Variants in GRIN2B observed in about 807,000 individuals in gnomAD.
The protein encoded by GRIN2B is glutamate receptor ionotropic, NMDA 2B.
A neutral mutation model predicts 114.5 loss-of-function variants in GRIN2B; 5 were observed. The observed-to-expected ratio is 0.04, with a 90% CI of 0.02 to 0.09. The LOEUF is 0.09. GRIN2B is among the 10% of genes least tolerant of loss of function. The pLI is 1.00. For missense variants in GRIN2B, 1,108 were observed against 1,943.5 expected, an observed-to-expected ratio of 0.57 and a Z score of 8.08; for synonymous variants, 787 against 745.1, an observed-to-expected ratio of 1.06 and a Z score of -0.92.
At chr12:13,695,680 G>T (rs535348589) in intron 4 of GRIN2B, among the ~76,000 whole-genome samples, 1 of 152,298 alleles carries the variant, frequency 6.6e-6, no homozygotes, top group South Asian at 2.1e-4. Context: ...TGAACAGGAT[G>T]CTGTATTCCT....
intron 2 of GRIN2B, among the ~76,000 whole-genome samples, chr12:13,870,882 A>AT (rs1376616345): frequency 6.6e-6 from 1 of 152,218 alleles, no homozygotes; most frequent in South Asian, 2.1e-4. Flanking sequence ...GAAGTCAAGA[A>AT]GAGTATAAAC....
At chr12:13,913,312 A>T (rs982501194) in intron 2 of GRIN2B, among the ~76,000 whole-genome samples, 5 of 152,134 alleles carry the variant, frequency 3.3e-5, no homozygotes, top group African/African-American at 9.7e-5. Context: ...CCCTACTCGC[A>T]CACAACCAAA....
At chr12:13,669,640 C>G (rs1950005775) in intron 5 of GRIN2B, among the ~76,000 whole-genome samples, 1 of 152,140 alleles carries the variant, frequency 6.6e-6, no homozygotes. Flanking sequence ...GTCACCAACA[C>G]TGCACTTACT....
intron 10 of GRIN2B, among the ~76,000 whole-genome samples, chr12:13,588,432 C>T (rs947241975): frequency 5.9e-5 from 9 of 152,160 alleles, no homozygotes; most frequent in African/African-American, 2.2e-4. Context: ...AAAAAACCTG[C>T]TCTTTAAACC....
At chr12:13,703,722 C>T (rs1950332593) in intron 4 of GRIN2B, among the ~76,000 whole-genome samples, 2 of 152,148 alleles carry the variant, frequency 1.3e-5, no homozygotes, top group South Asian at 2.1e-4. Context: ...GATAACCACC[C>T]TCATAGGCAT....
At chr12:13,883,484 T>G (rs543766718) in intron 2 of GRIN2B, among the ~76,000 whole-genome samples, 1 of 152,282 alleles carries the variant, frequency 6.6e-6, no homozygotes, top group East Asian at 1.9e-4. Flanking sequence ...TTTTGTTAAA[T>G]TTCATTCATT....
rs199855250 is a variant in GRIN2B, at chr12:13,879,378, TATG to T, written c.-18-13155_-18-13153del. 3.5e-3 allele frequency among the ~76,000 whole-genome samples: 533 copies of T among 152,284 alleles called. 1 individual carries two copies. The highest frequency in any genetic ancestry group is 5.8e-3 in the Non-Finnish European group (395 of 68,014). On this transcript the variant is annotated intron_variant, in intron 2 of 13. Coordinates refer to ENST00000609686, the MANE Select transcript of GRIN2B (RefSeq NM_000834.5). ...AAGATGTGCAGTAACGATACAGTAT[TATG>T]ATCTTACAGAACCACTGTCATTATA...
At chr12:13,967,730 G>A (rs947702856) in intron 2 of GRIN2B, among the ~76,000 whole-genome samples, 4 of 152,176 alleles carry the variant, frequency 2.6e-5, no homozygotes, top group Non-Finnish European at 5.9e-5. Flanking sequence ...CACATCCCAG[G>A]GTGGGCTATG....
chr12:13,975,611 G>C (rs1334225402), intron 2 of GRIN2B, among the ~76,000 whole-genome samples: 1 of 152,094 alleles, frequency 6.6e-6, no homozygotes, highest in African/African-American at 2.4e-5. Flanking sequence ...AGAACAAACA[G>C]GTAGCATCAT....
chr12:13,742,269 T>C (rs1863300532), intron 4 of GRIN2B, among the ~76,000 whole-genome samples: 1 of 152,214 alleles, frequency 6.6e-6, no homozygotes, highest in Non-Finnish European at 1.5e-5. Context: ...CTTCCACTCT[T>C]TTCCATTCTG....
chr12:13,670,627 A>G (rs1591668175), intron 5 of GRIN2B, among the ~76,000 whole-genome samples: 1 of 152,108 alleles, frequency 6.6e-6, no homozygotes, highest in East Asian at 1.9e-4. Flanking sequence ...GTGCCAGACT[A>G]TTTTTAAAGC....
intron 2 of GRIN2B, among the ~76,000 whole-genome samples, chr12:13,887,461 C>CTAAT (rs989409688): frequency 1.3e-5 from 2 of 151,920 alleles, no homozygotes; most frequent in African/African-American, 4.8e-5. Context: ...ACCCAAAAGA[C>CTAAT]TAATACGTAG....
chr12:13,867,730 G>A (rs1047450486), intron 2 of GRIN2B, among the ~76,000 whole-genome samples: 11 of 151,966 alleles, frequency 7.2e-5, no homozygotes, highest in Admixed American at 6.6e-5. Flanking sequence ...AAGGTCAATG[G>A]CATTATAACA....
chr12:13,832,966 C>A (rs371694232), intron 3 of GRIN2B, among the ~76,000 whole-genome samples: 19 of 152,014 alleles, frequency 1.2e-4, no homozygotes, highest in Non-Finnish European at 2.9e-5. Context: ...TAAAAAAAAT[C>A]GTCATTCTGA....
At chr12:13,631,326 C>T (rs1019127172) in intron 5 of GRIN2B, among the ~76,000 whole-genome samples, 2 of 152,084 alleles carry the variant, frequency 1.3e-5, no homozygotes, top group East Asian at 1.9e-4. Flanking sequence ...CTGTGACTGC[C>T]CATGGGATGT....
intron 4 of GRIN2B, among the ~76,000 whole-genome samples, chr12:13,696,167 A>G (rs987303237): frequency 1.3e-5 from 2 of 152,204 alleles, no homozygotes; most frequent in Non-Finnish European, 2.9e-5. Flanking sequence ...TGGAGCATTA[A>G]TGAAGACCAA....
At chr12:13,810,484 T>G (rs1864708447) in intron 3 of GRIN2B, among the ~76,000 whole-genome samples, 1 of 152,118 alleles carries the variant, frequency 6.6e-6, no homozygotes, top group Non-Finnish European at 1.5e-5. Context: ...ACTCAGGAAA[T>G]ATTTGTTGAT....
At chr12:13,686,141 G>A (rs114636320) in intron 4 of GRIN2B, among the ~76,000 whole-genome samples, 273 of 152,230 alleles carry the variant, frequency 1.8e-3, no homozygotes, top group African/African-American at 4.6e-3. Context: ...TCACTCTAAC[G>A]CAGTACATTA....
intron 5 of GRIN2B, among the ~76,000 whole-genome samples, chr12:13,621,789 T>C (rs1052499073): frequency 2.6e-5 from 4 of 152,036 alleles, no homozygotes; most frequent in Admixed American, 2.0e-4. Context: ...AGGCTTCCCG[T>C]AGGAAAATTC....
Sources: gnomAD v4.1 joint callset for allele counts (sites outside exome capture counted in the v4.1 genomes callset) on GRCh38, gnomAD v4.1.1 for gene constraint, MANE v1.5 for transcripts, NCBI Gene and HGNC (gene_info 2026-07-23, HGNC 2026-07-21) for gene names.